PRKAG3: variants seen among roughly 807,000 people sequenced by gnomAD.
PRKAG3 encodes 5'-AMP-activated protein kinase subunit gamma-3.
A neutral mutation model predicts 56.5 loss-of-function variants in PRKAG3; 39 were observed. The ratio of observed to expected loss-of-function variants is 0.69; its 90% CI spans 0.53 to 0.90. The LOEUF (loss-of-function observed/expected upper bound fraction) is 0.90, where lower values mean the gene tolerates loss of function less well. Among genes scored for constraint, PRKAG3 ranks in the 40% least tolerant of loss-of-function variants. PRKAG3 has a pLI of 0.00. For synonymous variants in PRKAG3, 243 were observed against 250.1 expected (o/e 0.97, Z 0.27); for missense variants, 628 against 627.5 (o/e 1.00, Z -0.01).
chr2:218,826,421 G>A (rs1943933374), intron 10 of PRKAG3, among the ~76,000 whole-genome samples: 1 of 152,130 alleles, frequency 6.6e-6, no homozygotes, highest in African/African-American at 2.4e-5. Flanking sequence ...GGGGCCCGAG[G>A]TCCCATGGCA....
intron 5 of PRKAG3, among the ~76,000 whole-genome samples, chr2:218,828,299 G>T (rs975900611): frequency 2.0e-5 from 3 of 152,222 alleles, no homozygotes; most frequent in African/African-American, 7.2e-5. Flanking sequence ...GAGGTGAAAG[G>T]TGTCAGCTGG....
intron 10 of PRKAG3, among the ~76,000 whole-genome samples, chr2:218,825,023 A>G (rs544054140): frequency 1.3e-5 from 2 of 152,298 alleles, no homozygotes; most frequent in East Asian, 3.9e-4. Context: ...GGAACAAAAG[A>G]CACGAATGTA....
rs1722196 is a variant in PRKAG3, at chr2:218,827,973, G to T, written c.774+31C>A. 5.7e-6 allele frequency: 9 copies of T among 1,588,196 alleles called. No homozygotes were observed. Among genetic ancestry groups the T allele is most frequent in the Non-Finnish European group, 7.7e-6 (9 of 1,166,094 alleles). On this transcript the variant is annotated intron_variant, in intron 6 of 12. Transcript: ENST00000529249. The surrounding 1 kb of genome is among the most constrained non-coding windows in gnomAD (Gnocchi z 5.3). ...CTCCCCTCCGCCCCCGCCCCTCTGGGTGCCCATAAGATTCCCAGCCCACTC... is the reference window on the plus strand; with the variant it reads ...CTCCCCTCCGCCCCCGCCCCTCTGGTTGCCCATAAGATTCCCAGCCCACTC...
chr2:218,827,054 T>C lies in PRKAG3; in HGVS notation c.1042A>G (p.Ile348Val), dbSNP rs755702962. ...AATGTGCCGATGCCCAAATCTTGGA[T>C]AGTGCGGTAGAGGAAGGAGGGCCGG... The change falls in exon 10 of 13, where the codon ATC becomes GTC. Residue 348 changes from isoleucine (I) to valine (V), a missense_variant. Coordinates refer to ENST00000529249, the Ensembl canonical transcript of PRKAG3. This position sits in a 1 kb window ranked among gnomAD's most constrained non-coding sequence, Gnocchi z 5.3. 6 of 1,613,820 alleles carry C rather than the reference T, an allele frequency of 3.7e-6. No homozygotes were observed. The highest frequency in any genetic ancestry group is 1.7e-5 in the Admixed American group (1 of 60,016).
Position 218,827,989 on chromosome 2 carries a change from C to T in PRKAG3, c.774+15G>A, listed in dbSNP as rs756742656. 1.3e-6 allele frequency: 2 copies of T among 1,580,206 alleles called. No individual in the cohort carries two copies. Among genetic ancestry groups the T allele is most frequent in the African/African-American group, 1.3e-5 (1 of 74,476 alleles). ...CCCCTCTGGGTGCCCATAAGATTCC[C>T]AGCCCACTCCTCACCAGGGGGGACC... On this transcript the variant is annotated intron_variant, in intron 6 of 12. Transcript: ENST00000529249. This position sits in a 1 kb window ranked among gnomAD's most constrained non-coding sequence, Gnocchi z 5.3.
chr2:218,830,747 T>C, exon 3 of PRKAG3: 1 of 1,612,178 alleles, frequency 6.2e-7, no homozygotes, highest in Non-Finnish European at 8.5e-7. Context: ...TGGCCTCACC[T>C]TCCCCCTGAC....
Position 218,827,324 on chromosome 2 carries a change from G to T in PRKAG3, c.925C>A (p.Pro309Thr). The change falls in exon 9 of 13, where the codon CCT becomes ACT. Residue 309 changes from proline to threonine, a missense_variant. By Grantham distance (38) the Pro-to-Thr change is conservative. Coordinates refer to ENST00000529249, the Ensembl canonical transcript of PRKAG3. This position sits in a 1 kb window ranked among gnomAD's most constrained non-coding sequence, Gnocchi z 5.3. The stretch of plus-strand genomic sequence containing the variant: ...TTGCCTGACACCGGGTCAAGAACAG[G>T]CAGGCGATGGATCCGGTTCTTGATG... The T allele has an allele frequency of 6.2e-7, 1 of 1,614,172 alleles. No individual in the cohort carries two copies. Among genetic ancestry groups the T allele is most frequent in the Non-Finnish European group, 8.5e-7 (1 of 1,180,028 alleles).
At chr2:218,823,729 G>T (rs747375631) in exon 13 of PRKAG3, 28 of 1,613,294 alleles carry the variant, frequency 1.7e-5, no homozygotes, top group Non-Finnish European at 2.4e-5. Context: ...TTCCAGGTGT[G>T]CAGGTGGCTT....
intron 3 of PRKAG3, 43 bp downstream of exon 3, chr2:218,830,703 A>T: frequency 6.3e-7 from 1 of 1,596,444 alleles, no homozygotes; most frequent in Non-Finnish European, 8.5e-7. Flanking sequence ...GGGATTTCCC[A>T]CTCCCCTGGC....
chr2:218,830,852 A>C (rs1346505593), exon 3 of PRKAG3: 1 of 1,613,898 alleles, frequency 6.2e-7, no homozygotes, highest in South Asian at 1.1e-5. Flanking sequence ...TGCTGGTCAC[A>C]GCTGGTGATG....
downstream of PRKAG3, chr2:218,822,803 G>C: frequency 1.2e-6 from 1 of 843,846 alleles, no homozygotes; most frequent in African/African-American, 1.9e-5. Flanking sequence ...ACTCCCAGGA[G>C]CTGAAGGCTG....
At chr2:218,831,557 C>G (rs1323277985) in intron 1 of PRKAG3, among the ~76,000 whole-genome samples, 181 bp downstream of exon 1, 1 of 152,154 alleles carries the variant, frequency 6.6e-6, no homozygotes, top group Non-Finnish European at 1.5e-5. Flanking sequence ...CACTCCCAGG[C>G]ACACAGAACC....
chr2:218,823,839 A>C, exon 13 of PRKAG3: 1 of 1,614,130 alleles, frequency 6.2e-7, no homozygotes, highest in Non-Finnish European at 8.5e-7. Context: ...ACCACGCCCA[A>C]GAGATGCTGG....
intron 12 of PRKAG3, 126 bp downstream of exon 12, chr2:218,824,096 G>C: frequency 6.8e-7 from 1 of 1,474,112 alleles, no homozygotes; most frequent in South Asian, 1.2e-5. Flanking sequence ...GGCCAGTGTG[G>C]GCACCAGGAG....
Position 218,827,868 on chromosome 2 carries a change from T to C in PRKAG3, c.785A>G (p.Tyr262Cys), listed in dbSNP as rs1943958554. ...CTCAATCTTATGTTGTTCAATCTCA[T>C]AGATCTGGACCTAGAGACATCGACA... Residue 262 changes from tyrosine to cysteine, a missense_variant, in exon 7 of 13, where the codon TAT becomes TGT. Physicochemically the swap from Tyr to Cys is radical, Grantham distance 194. Coordinates refer to ENST00000529249, the Ensembl canonical transcript of PRKAG3. The surrounding 1 kb of genome is among the most constrained non-coding windows in gnomAD (Gnocchi z 5.3). 2 of 1,614,028 alleles carry C rather than the reference T, an allele frequency of 1.2e-6. No individual in the cohort carries two copies. The highest frequency in any genetic ancestry group is 1.6e-4 in the Middle Eastern group (1 of 6,062).
At chr2:218,830,055 G>A (rs141188865) in exon 4 of PRKAG3, 42 of 1,613,888 alleles carry the variant, frequency 2.6e-5, no homozygotes, top group Non-Finnish European at 3.1e-5. Flanking sequence ...TGCATGAAGC[G>A]CATGTAGATC....
downstream of PRKAG3, chr2:218,822,950 G>C (rs1396419562): frequency 2.5e-5 from 25 of 985,658 alleles, no homozygotes; most frequent in Non-Finnish European, 3.0e-5. Context: ...AGTGCCTCTG[G>C]TTCAGGGACC....
intron 10 of PRKAG3, among the ~76,000 whole-genome samples, chr2:218,825,981 G>A (rs373267145): frequency 1.1e-4 from 17 of 151,966 alleles, no homozygotes; most frequent in East Asian, 5.8e-4. Context: ...GGATAGTCTC[G>A]ATCTCTTGAC....
chr2:218,824,493 C>A, intron 11 of PRKAG3, 46 bp downstream of exon 11: 1 of 1,605,424 alleles, frequency 6.2e-7, no homozygotes, highest in Non-Finnish European at 8.5e-7. Context: ...CCCATCCCCA[C>A]ACCCTTAGCC....
Sources: gnomAD v4.1 joint callset for allele counts (sites outside exome capture counted in the v4.1 genomes callset) on GRCh38, gnomAD v4.1.1 for gene constraint, Gnocchi (gnomAD v3.1) non-coding constraint, MANE v1.5 for transcripts, NCBI Gene and HGNC (gene_info 2026-07-23, HGNC 2026-07-21) for gene names.